The following ARHGAP44 variants were observed in gnomAD, a reference collection of about 807,000 sequenced individuals.
ARHGAP44 encodes the protein rho GTPase-activating protein 44.
A neutral mutation model predicts 106.8 loss-of-function variants in ARHGAP44; 43 were observed. The observed-to-expected ratio is 0.40, with a 90% CI of 0.32 to 0.52. The LOEUF is 0.52. Ranked by LOEUF, ARHGAP44 falls within the 20% of genes least tolerant of loss-of-function variation. ARHGAP44 has a pLI of 0.48. For synonymous variants in ARHGAP44, 439 were observed against 410.3 expected, an observed-to-expected ratio of 1.07 and a Z score of -0.85; for missense variants, 866 against 1,050.5, an observed-to-expected ratio of 0.82 and a Z score of 2.43.
At chr17:12,894,066 T>C (rs1038802959) in intron 1 of ARHGAP44, among the ~76,000 whole-genome samples, 2 of 152,246 alleles carry the variant, frequency 1.3e-5, no homozygotes, top group Non-Finnish European at 2.9e-5. Context: ...TTTTTTAATA[T>C]ATCATTTGTT....
rs2286333 is a variant in ARHGAP44 at position 12,944,313 on chromosome 17, C to T, written c.861+117C>T. Reference sequence around the variant, plus strand: ...CTCCGGCCCCCACGAATCCAAATGGCTTAAGACAGTGGCTCAGACCCATCT... The same window carrying T: ...CTCCGGCCCCCACGAATCCAAATGGTTTAAGACAGTGGCTCAGACCCATCT... On this transcript the variant is annotated intron_variant, in intron 10 of 20. Coordinates refer to ENST00000379672, the MANE Select transcript of ARHGAP44 (RefSeq NM_014859.6). 3.2e-3 allele frequency: 4,308 copies of T among 1,340,340 alleles called. 114 individuals are homozygous for T. In the East Asian group the frequency reaches 0.062, roughly 19 times the overall value. The allele number at this position is 1,340,340 out of a possible 1,614,324, so 83.0% of individuals were successfully genotyped here. A position where few individuals can be genotyped will look rare whatever the true frequency, so the allele number is the denominator to read the frequency against.
intron 18 of ARHGAP44, among the ~76,000 whole-genome samples, chr17:12,977,494 C>T (rs1240010437): frequency 6.6e-6 from 1 of 152,176 alleles, no homozygotes; most frequent in Non-Finnish European, 1.5e-5. Context: ...GCTCTGCCTC[C>T]ACATCCCGCC....
At chr17:12,916,646 A>G (rs1688755154) in intron 5 of ARHGAP44, among the ~76,000 whole-genome samples, 1 of 152,218 alleles carries the variant, frequency 6.6e-6, no homozygotes, top group African/African-American at 2.4e-5. Flanking sequence ...TGGCCTCCCA[A>G]AGTGCTGGGA....
chr17:12,895,138 CAAAAAACAAACAAATA>C (rs1017842049), intron 2 of ARHGAP44, among the ~76,000 whole-genome samples, 159 bp downstream of exon 2: 3 of 151,748 alleles, frequency 2.0e-5, no homozygotes, highest in Admixed American at 1.3e-4. Context: ...TCAAAACAAA[CAAAAAACAAACAAATA>C]AAAAAACAAA....
intron 1 of ARHGAP44, 33 bp from the exon 2 acceptor site, chr17:12,894,907 T>G (rs2037156207): frequency 6.4e-7 from 1 of 1,562,382 alleles, no homozygotes; most frequent in African/African-American, 1.4e-5. Context: ...TTGTTAGTTT[T>G]GTTACTGATA....
intron 10 of ARHGAP44, among the ~76,000 whole-genome samples, chr17:12,945,070 G>C (rs1490208896): frequency 1.3e-5 from 2 of 151,742 alleles, no homozygotes; most frequent in Non-Finnish European, 2.9e-5. Flanking sequence ...GAGTGCAGTT[G>C]CAGGATCTTG....
At chr17:12,823,218 C>T (rs2034823792) in intron 1 of ARHGAP44, among the ~76,000 whole-genome samples, 1 of 152,124 alleles carries the variant, frequency 6.6e-6, no homozygotes, top group African/African-American at 2.4e-5. Flanking sequence ...CGTGATGTTT[C>T]TGCCTGCAGC....
At chr17:12,892,321 C>T (rs1436260397) in intron 1 of ARHGAP44, among the ~76,000 whole-genome samples, 2 of 151,536 alleles carry the variant, frequency 1.3e-5, no homozygotes, top group African/African-American at 4.9e-5. Flanking sequence ...ATTCTAATTG[C>T]TTTTCCCCCA....
chr17:12,797,537 C>T (rs537382679), intron 1 of ARHGAP44, among the ~76,000 whole-genome samples: 78 of 152,178 alleles, frequency 5.1e-4, no homozygotes, highest in African/African-American at 1.7e-3. Context: ...GTGGGTTAAT[C>T]CTTATCATGA....
intron 4 of ARHGAP44, among the ~76,000 whole-genome samples, chr17:12,911,304 C>T (rs1473647960): frequency 6.6e-6 from 1 of 151,394 alleles, no homozygotes; most frequent in Non-Finnish European, 1.5e-5. Flanking sequence ...TTCCAAAATC[C>T]GCTAAAACTA....
chr17:12,975,841 C>G (rs1055894335), intron 18 of ARHGAP44, among the ~76,000 whole-genome samples: 3 of 151,312 alleles, frequency 2.0e-5, no homozygotes, highest in Non-Finnish European at 4.4e-5. Context: ...GATTGCTGCC[C>G]TTAAAAAGTT....
intron 15 of ARHGAP44, among the ~76,000 whole-genome samples, chr17:12,957,133 T>C (rs2039149726): frequency 6.6e-6 from 1 of 152,120 alleles, no homozygotes; most frequent in African/African-American, 2.4e-5. Flanking sequence ...TAATTTTGTA[T>C]TTTTAGTAGA....
chr17:12,807,498 A>G (rs1170060843), intron 1 of ARHGAP44, among the ~76,000 whole-genome samples: 1 of 152,230 alleles, frequency 6.6e-6, no homozygotes, highest in African/African-American at 2.4e-5. Flanking sequence ...CGGAAGGCAA[A>G]GGAGAAGCAA....
intron 1 of ARHGAP44, among the ~76,000 whole-genome samples, chr17:12,866,525 A>AG (rs2036244062): frequency 6.6e-6 from 1 of 152,180 alleles, no homozygotes; most frequent in Non-Finnish European, 1.5e-5. Flanking sequence ...GAAAAAAAAA[A>AG]TCTACCCTCT....
intron 16 of ARHGAP44, among the ~76,000 whole-genome samples, chr17:12,959,952 A>C (rs12603737): frequency 0.053 from 8,046 of 152,316 alleles, 787 homozygotes; most frequent in East Asian, 0.48. Context: ...GGAAGGTTGA[A>C]AATCCAAGAA....
intron 1 of ARHGAP44, among the ~76,000 whole-genome samples, chr17:12,858,942 G>A (rs778371116): frequency 2.0e-4 from 30 of 152,104 alleles, no homozygotes; most frequent in Non-Finnish European, 3.5e-4. Flanking sequence ...TAAACCATCA[G>A]ATCTCATGAG....
intron 17 of ARHGAP44, chr17:12,973,535 G>T (rs1272048756): frequency 5.1e-6 from 3 of 587,172 alleles, no homozygotes; most frequent in Non-Finnish European, 9.0e-6. Context: ...AGTGGGAGTG[G>T]CCTGCAGAGG....
intron 13 of ARHGAP44, chr17:12,955,661 C>T: frequency 8.1e-6 from 4 of 495,018 alleles, no homozygotes; most frequent in South Asian, 2.3e-5. Flanking sequence ...CGACACCTGA[C>T]CCAGTGAGAT....
chr17:12,988,175 G>C (rs1337211053), intron 20 of ARHGAP44: 2 of 152,176 alleles, frequency 1.3e-5, no homozygotes, highest in African/African-American at 4.8e-5. Flanking sequence ...CCTCCCTTGG[G>C]GGTGTCTTTA....
Sources: allele counts gnomAD v4.1 joint callset (sites outside exome capture counted in the v4.1 genomes callset), GRCh38; gene constraint gnomAD v4.1.1; transcripts MANE v1.5; gene names NCBI Gene and HGNC (gene_info 2026-07-23, HGNC 2026-07-21).